The following TRRAP variants were observed in gnomAD, a reference collection of about 807,000 sequenced individuals.
TRRAP encodes transformation/transcription domain associated protein.
TRRAP carries 41 observed loss-of-function variants against 438.8 expected under a neutral mutation model. The observed-to-expected ratio is 0.09, with a 90% CI of 0.07 to 0.12. The LOEUF (loss-of-function observed/expected upper bound fraction) is 0.12, where lower values mean the gene tolerates loss of function less well. Ranked by LOEUF, TRRAP falls within the 10% of genes least tolerant of loss-of-function variation. The pLI is 1.00. For missense variants in TRRAP, 3,122 were observed against 5,055.1 expected, an observed-to-expected ratio of 0.62 and a Z score of 11.60; for synonymous variants, 1,994 against 1,962.9, an observed-to-expected ratio of 1.02 and a Z score of -0.42.
intron 67 of TRRAP, among the ~76,000 whole-genome samples, chr7:99,001,749 C>T (rs913339067): frequency 2.0e-5 from 3 of 152,112 alleles, no homozygotes; most frequent in African/African-American, 7.2e-5. Context: ...GTGTGGGCTG[C>T]CAACCACATG....
rs1792348876 is a variant in TRRAP, at chr7:98,970,195, C to T, written c.7596C>T (p.Ile2532=). 6.2e-7 allele frequency: 1 copy of T among 1,613,788 alleles called. No individual in the cohort carries two copies. Among genetic ancestry groups the T allele is most frequent in the Non-Finnish European group, 8.5e-7 (1 of 1,180,042 alleles). ...TGCTCCCGTCCATCACCAACGTCATCAACCTGGCCGATAGCCACGACCGTG... is the reference window on the plus strand; with the variant it reads ...TGCTCCCGTCCATCACCAACGTCATTAACCTGGCCGATAGCCACGACCGTG... ...GAMLPSITNV[I]NLADSHDRAA... is the part of the protein sequence containing the mutation. The change falls in exon 52 of 73, where the codon ATC becomes ATT. Residue 2532 remains isoleucine, a synonymous_variant. Transcript: ENST00000456197.
In TRRAP at chr7:98,956,419, A is replaced by G. The variant is rs1554419803; in HGVS notation, c.6117A>G (p.Pro2039=). The change falls in exon 43 of 73, where the codon CCA becomes CCG. Residue 2039 remains proline, a synonymous_variant. Transcript: ENST00000456197. The surrounding 1 kb of genome is among the most constrained non-coding windows in gnomAD (Gnocchi z 4.5). The part of the protein sequence containing the change: ...KDQQPDSDMD[P]NSSGEGVNSV... ...TTAAGCCGGATTCAGATATGGACCC[A>G]AATTCCAGTGGAGAAGGAGTCAATT... The G allele has an allele frequency of 1.9e-6, 3 of 1,614,078 alleles. No individual in the cohort carries two copies. Among genetic ancestry groups the G allele is most frequent in the East Asian group, 4.5e-5 (2 of 44,874 alleles).
At chr7:98,934,891 C>A (rs1790489197) in intron 27 of TRRAP, among the ~76,000 whole-genome samples, 1 of 152,088 alleles carries the variant, frequency 6.6e-6, no homozygotes, top group Non-Finnish European at 1.5e-5. Context: ...GCTTTTCACT[C>A]TGTATCCTTT....
chr7:98,979,144 G>A (rs894016519), intron 58 of TRRAP, among the ~76,000 whole-genome samples: 4 of 152,204 alleles, frequency 2.6e-5, no homozygotes, highest in African/African-American at 9.7e-5. Context: ...ATGGAATCGA[G>A]GCCAGGTGTT....
chr7:98,906,434 A>ATTTATTTC (rs1796736912), intron 13 of TRRAP, among the ~76,000 whole-genome samples, 179 bp downstream of exon 13: 1 of 150,058 alleles, frequency 6.7e-6, no homozygotes, highest in Non-Finnish European at 1.5e-5. Flanking sequence ...TTATTTATTT[A>ATTTATTTC]TTTATTTATT....
chr7:98,890,259 GTTA>G, intron 3 of TRRAP, 73 bp from the exon 4 acceptor site: 1 of 953,638 alleles, frequency 1.0e-6, no homozygotes. Context: ...TTCCTTTGCA[GTTA>G]TTATAATGTG....
At chr7:98,997,166 C>T (rs988584929) in intron 67 of TRRAP, among the ~76,000 whole-genome samples, 4 of 151,832 alleles carry the variant, frequency 2.6e-5, no homozygotes, top group Non-Finnish European at 5.9e-5. Context: ...ATTAGCCTGT[C>T]GTGGTGGCGT....
chr7:98,978,763 T>A lies in TRRAP; in HGVS notation c.8499-6T>A. Reference sequence around the variant, plus strand: ...AGCTTTTGCTCTGGGATCTGTGGTCTTCTAGATGCTCCAAGGAATTGAACC... The same window carrying A: ...AGCTTTTGCTCTGGGATCTGTGGTCATCTAGATGCTCCAAGGAATTGAACC... On this transcript the variant is annotated splice_polypyrimidine_tract_variant and splice_region_variant and intron_variant, in intron 57 of 72. Transcript: ENST00000456197. 1 of 1,614,186 alleles carries A rather than the reference T, an allele frequency of 6.2e-7. No homozygotes were observed. The highest frequency in any genetic ancestry group is 2.2e-5 in the East Asian group (1 of 44,882).
intron 48 of TRRAP, among the ~76,000 whole-genome samples, chr7:98,965,124 A>ACGTGTGCATG (rs912978725): frequency 6.6e-6 from 1 of 152,218 alleles, no homozygotes; most frequent in Non-Finnish European, 1.5e-5. Flanking sequence ...ACTCTCTCTC[A>ACGTGTGCATG]CGTGTGCATG....
intron 51 of TRRAP, among the ~76,000 whole-genome samples, chr7:98,969,096 C>T (rs927881711): frequency 4.6e-5 from 7 of 152,220 alleles, no homozygotes; most frequent in Admixed American, 2.6e-4. Context: ...CTCATTAGGA[C>T]GATGGAACCA....
At chr7:98,884,324 T>G (rs1432164601) in intron 3 of TRRAP, among the ~76,000 whole-genome samples, 3 of 152,162 alleles carry the variant, frequency 2.0e-5, no homozygotes, top group African/African-American at 7.2e-5. Flanking sequence ...CACAGCTCAC[T>G]GCAGTCTCAA....
At chr7:99,003,021 C>T (rs1336049543) in intron 67 of TRRAP, among the ~76,000 whole-genome samples, 1 of 152,194 alleles carries the variant, frequency 6.6e-6, no homozygotes, top group Non-Finnish European at 1.5e-5. Context: ...TCTAAGCTGG[C>T]ATGTCTCCCG....
intron 53 of TRRAP, among the ~76,000 whole-genome samples, 177 bp downstream of exon 53, chr7:98,972,122 G>A (rs544676619): frequency 6.6e-6 from 1 of 152,222 alleles, no homozygotes; most frequent in South Asian, 2.1e-4. Flanking sequence ...ACCTCACTGC[G>A]GCCTCAGTCT....
At chr7:98,920,735 G>A (rs1584313038) in intron 20 of TRRAP, among the ~76,000 whole-genome samples, 1 of 152,176 alleles carries the variant, frequency 6.6e-6, no homozygotes, top group East Asian at 1.9e-4. Flanking sequence ...TGTCATGTTT[G>A]TAAGTTATAA....
At chr7:98,971,071 G>T (rs1273309891) in intron 52 of TRRAP, among the ~76,000 whole-genome samples, 2 of 152,148 alleles carry the variant, frequency 1.3e-5, no homozygotes, top group Non-Finnish European at 2.9e-5. Flanking sequence ...AGGCGGGCAT[G>T]GCACCTTCTT....
intron 14 of TRRAP, 90 bp downstream of exon 14, chr7:98,909,052 C>A: frequency 8.4e-7 from 1 of 1,195,440 alleles, no homozygotes. Flanking sequence ...GAGACAGATC[C>A]TTGTTCTGTT....
At position 98,950,212 on chromosome 7, in the gene TRRAP, C is replaced by T. The variant is rs568146679; in HGVS notation, c.5284C>T (p.Arg1762Cys). ...CGCTCAGAAACGTGCCCTGTTCTTT[C>T]GCTTTGTAGACTTCAACGACCCCAA... The part of the protein sequence containing the change: ...SIAQKRALFF[R>C]FVDFNDPNFG... The change falls in exon 38 of 73, where the codon CGC becomes TGC. Residue 1762 changes from arginine (R) to cysteine (C), a missense_variant. Arg to Cys is a radical substitution (Grantham distance 180, BLOSUM62 -3). Transcript: ENST00000456197. 6.8e-6 allele frequency: 11 copies of T among 1,614,160 alleles called. No individual in the cohort carries two copies. The highest frequency in any genetic ancestry group is 3.3e-5 in the Admixed American group (2 of 60,028).
intron 51 of TRRAP, among the ~76,000 whole-genome samples, chr7:98,969,268 GC>G (rs1792299350): frequency 6.6e-6 from 1 of 152,086 alleles, no homozygotes; most frequent in Non-Finnish European, 1.5e-5. Flanking sequence ...CAGGTGACTG[GC>G]CCCCTGCCTC....
intron 23 of TRRAP, among the ~76,000 whole-genome samples, chr7:98,929,079 C>T (rs1790201924): frequency 6.6e-6 from 1 of 152,020 alleles, no homozygotes; most frequent in African/African-American, 2.4e-5. Context: ...GCTGGGATTA[C>T]AGGCACCTAC....
Sources: gnomAD v4.1 joint callset for allele counts (sites outside exome capture counted in the v4.1 genomes callset) on GRCh38, gnomAD v4.1.1 for gene constraint, Gnocchi (gnomAD v3.1) non-coding constraint, MANE v1.5 for transcripts, NCBI Gene and HGNC (gene_info 2026-07-23, HGNC 2026-07-21) for gene names.